The following RAB10 variants were observed in gnomAD, a reference collection of about 807,000 sequenced individuals.
The protein encoded by RAB10 is ras-related protein Rab-10.
Under a neutral mutation model 25.7 loss-of-function variants are expected in RAB10, and 5 were observed. The ratio of observed to expected loss-of-function variants is 0.19; its 90% CI spans 0.10 to 0.41. The LOEUF (loss-of-function observed/expected upper bound fraction) is 0.41. Among genes scored for constraint, RAB10 ranks in the 10% least tolerant of loss-of-function variants. The probability of loss-of-function intolerance (pLI) is 1.00; values close to 1 mark genes in which losing one functional copy is unlikely to be tolerated. For synonymous variants in RAB10, 89 were observed against 86.4 expected, an observed-to-expected ratio of 1.03 and a Z score of -0.16; for missense variants, 103 against 245.8, an observed-to-expected ratio of 0.42 and a Z score of 3.89.
intron 1 of RAB10, chr2:26,042,846 A>G (rs890557113): frequency 2.0e-5 from 3 of 152,174 alleles, no homozygotes; most frequent in Non-Finnish European, 2.9e-5. Context: ...CCCAATAAAC[A>G]TATGGAAAGA....
intron 1 of RAB10, among the ~76,000 whole-genome samples, chr2:26,043,943 G>T (rs775401264): frequency 1.3e-5 from 2 of 152,152 alleles, no homozygotes; most frequent in Non-Finnish European, 2.9e-5. Flanking sequence ...GCTATCTAAA[G>T]TCAAATTCAT....
chr2:26,036,040 G>T (rs946921663), intron 1 of RAB10, among the ~76,000 whole-genome samples: 1 of 152,104 alleles, frequency 6.6e-6, no homozygotes, highest in African/African-American at 2.4e-5. Flanking sequence ...GAAACTTAGA[G>T]CTTGTTCTCT....
rs10669615 is a variant in RAB10 at position 26,124,389 on chromosome 2, C to CTTTTTTTTTTTTTTTTTTTTTTTT, written c.328-2750_328-2727dup. Among the ~76,000 whole-genome samples the CTTTTTTTTTTTTTTTTTTTTTTTT allele has an allele frequency of 5.6e-4, 11 of 19,678 alleles. 5 individuals carry two copies. The highest frequency in any genetic ancestry group is 1.2e-3 in the African/African-American group (6 of 5,018). The allele number at this position is 19,678 out of a possible 152,430, so 12.9% of individuals were successfully genotyped here. ...GTTGTTTTTCTTATTGTTGTTGTTG[C>CTTTTTTTTTTTTTTTTTTTTTTTT]TTTTTTTTTTTTTTTTTTTTTTTTT... On this transcript the variant is annotated intron_variant, in intron 3 of 5. Coordinates refer to ENST00000264710, the MANE Select transcript of RAB10 (RefSeq NM_016131.5).
chr2:26,103,761 G>A (rs80072250), intron 2 of RAB10, among the ~76,000 whole-genome samples: 1,982 of 152,162 alleles, frequency 0.013, 30 homozygotes, highest in South Asian at 0.039. Context: ...TCCCTGGCCA[G>A]GGAAACCACT....
At chr2:26,084,833 T>C (rs901471769) in intron 1 of RAB10, among the ~76,000 whole-genome samples, 4 of 152,244 alleles carry the variant, frequency 2.6e-5, no homozygotes, top group Non-Finnish European at 5.9e-5. Flanking sequence ...CTAGTATTTT[T>C]AGTTTTCTGG....
At chr2:26,093,147 G>A (rs908165649) in intron 1 of RAB10, among the ~76,000 whole-genome samples, 3 of 152,094 alleles carry the variant, frequency 2.0e-5, no homozygotes, top group Non-Finnish European at 4.4e-5. Flanking sequence ...GTAGAGCTAA[G>A]GTATGGGCAG....
intron 1 of RAB10, among the ~76,000 whole-genome samples, chr2:26,084,579 T>C (rs1168360539): frequency 1.3e-5 from 2 of 152,172 alleles, no homozygotes. Flanking sequence ...ATTATTACAG[T>C]TGATTGCAGC....
chr2:26,134,229 C>T (rs890976510), intron 5 of RAB10, among the ~76,000 whole-genome samples: 1 of 152,190 alleles, frequency 6.6e-6, no homozygotes, highest in African/African-American at 2.4e-5. Context: ...GATCCTCTTG[C>T]CTCAGCCTCC....
intron 1 of RAB10, among the ~76,000 whole-genome samples, chr2:26,098,114 T>TTTTTTTTTTTTTTTTTTTTTTG (rs1667265160): frequency 7.8e-5 from 1 of 12,804 alleles, no homozygotes. Context: ...TCTTTCTTTT[T>TTTTTTTTTTTTTTTTTTTTTTG]TTTTTTTTTT....
chr2:26,057,488 T>A (rs867550248), intron 1 of RAB10, among the ~76,000 whole-genome samples: 3 of 150,616 alleles, frequency 2.0e-5, no homozygotes, highest in Non-Finnish European at 3.0e-5. Context: ...ACATTTAAGG[T>A]GTAGACAGGA....
At chr2:26,074,895 A>C (rs909878390) in intron 1 of RAB10, among the ~76,000 whole-genome samples, 1 of 152,184 alleles carries the variant, frequency 6.6e-6, no homozygotes, top group Non-Finnish European at 1.5e-5. Context: ...GAACGAGTAA[A>C]TGCTTGTAAA....
intron 1 of RAB10, among the ~76,000 whole-genome samples, chr2:26,051,578 C>T (rs1400945686): frequency 2.0e-5 from 3 of 150,264 alleles, no homozygotes; most frequent in Non-Finnish European, 3.0e-5. Context: ...GGTGAAACAC[C>T]GTTTCCACTA....
At chr2:26,081,568 G>C (rs1308998142) in intron 1 of RAB10, among the ~76,000 whole-genome samples, 1 of 152,106 alleles carries the variant, frequency 6.6e-6, no homozygotes, top group Non-Finnish European at 1.5e-5. Flanking sequence ...GTTAAATCTG[G>C]CGAATTAGGT....
At chr2:26,053,569 T>C (rs78482067) in intron 1 of RAB10, among the ~76,000 whole-genome samples, 2,304 of 152,300 alleles carry the variant, frequency 0.015, 39 homozygotes, top group African/African-American at 0.04. Context: ...TAATAAGTTA[T>C]CATTCTTGAT....
At chr2:26,040,278 C>T (rs1368530434) in intron 1 of RAB10, among the ~76,000 whole-genome samples, 1 of 152,248 alleles carries the variant, frequency 6.6e-6, no homozygotes, top group East Asian at 1.9e-4. Flanking sequence ...CGGCCTCTCA[C>T]GTAGCTGGGA....
intron 1 of RAB10, among the ~76,000 whole-genome samples, chr2:26,087,111 G>C (rs1022894383): frequency 3.3e-5 from 5 of 151,898 alleles, no homozygotes; most frequent in African/African-American, 9.7e-5. Context: ...GCTTTAAAGT[G>C]GTCAGTTTAC....
chr2:26,124,009 T>G (rs1363757062), intron 3 of RAB10, among the ~76,000 whole-genome samples: 4 of 152,180 alleles, frequency 2.6e-5, no homozygotes, highest in African/African-American at 9.7e-5. Context: ...ACATTGAGGA[T>G]GAAGACCTTT....
chr2:26,046,536 T>A (rs1666006936), intron 1 of RAB10, among the ~76,000 whole-genome samples: 1 of 152,174 alleles, frequency 6.6e-6, no homozygotes, highest in African/African-American at 2.4e-5. Context: ...AAACAGCAAC[T>A]ATTAATGGAA....
At chr2:26,120,529 A>C (rs1275931358) in intron 3 of RAB10, among the ~76,000 whole-genome samples, 1 of 152,170 alleles carries the variant, frequency 6.6e-6, no homozygotes, top group East Asian at 1.9e-4. Flanking sequence ...TTGTTTTAGC[A>C]GTAACATAAA....
Sources: allele counts gnomAD v4.1 joint callset (sites outside exome capture counted in the v4.1 genomes callset), GRCh38; gene constraint gnomAD v4.1.1; transcripts MANE v1.5; gene names NCBI Gene and HGNC (gene_info 2026-07-23, HGNC 2026-07-21).